ZNF516: variants seen among roughly 807,000 people sequenced by gnomAD.
ZNF516 encodes the protein zinc finger protein 516.
Under a neutral mutation model 79.7 loss-of-function variants are expected in ZNF516, and 19 were observed. The ratio of observed to expected loss-of-function variants is 0.24; its 90% CI spans 0.17 to 0.35. The LOEUF (loss-of-function observed/expected upper bound fraction) is 0.35. Ranked by LOEUF, ZNF516 falls within the 10% of genes least tolerant of loss-of-function variation. The pLI is 1.00. For synonymous variants in ZNF516, 877 were observed against 739.5 expected, an observed-to-expected ratio of 1.19 and a Z score of -3.02; for missense variants, 1,678 against 1,679.5, an observed-to-expected ratio of 1.00 and a Z score of 0.02.
chr18:76,420,028 C>G (rs576445931), intron 3 of ZNF516, among the ~76,000 whole-genome samples: 5 of 152,240 alleles, frequency 3.3e-5, no homozygotes, highest in African/African-American at 4.8e-5. Flanking sequence ...GGGAGCGACT[C>G]CAGGTACCTG....
chr18:76,460,694 G>A (rs917333685), intron 2 of ZNF516, among the ~76,000 whole-genome samples: 1 of 152,124 alleles, frequency 6.6e-6, no homozygotes, highest in African/African-American at 2.4e-5. Flanking sequence ...TTCTGTTCAG[G>A]GCTAGAGAGG....
intron 1 of ZNF516, chr18:76,490,059 A>G: frequency 1.9e-6 from 1 of 539,128 alleles, no homozygotes; most frequent in Non-Finnish European, 2.4e-6. Context: ...CCTACTAATG[A>G]ATTAAGAAAA....
chr18:76,468,551 G>A (rs1347370808), intron 1 of ZNF516, among the ~76,000 whole-genome samples: 1 of 151,538 alleles, frequency 6.6e-6, no homozygotes, highest in Non-Finnish European at 1.5e-5. Context: ...CTAGTAGCTG[G>A]GACTACAGGT....
Position 76,371,312 on chromosome 18 carries a change from C to T in ZNF516, c.3364+155G>A, listed in dbSNP as rs530887994. Among the ~76,000 whole-genome samples the T allele has an allele frequency of 5.9e-4, 90 of 152,336 alleles. 1 individual carries two copies. The highest frequency in any genetic ancestry group is 3.4e-3 in the Middle Eastern group (1 of 294). On this transcript the variant is annotated intron_variant, in intron 5 of 6. Transcript: ENST00000443185. ...CATTTCAGGTGTGGAGTGGGGGCGG[C>T]CTGTATACGATCCCGGAGGCAGATG...
chr18:76,384,354 A>G (rs1364974921), intron 3 of ZNF516, among the ~76,000 whole-genome samples: 1 of 97,562 alleles, frequency 1.0e-5, no homozygotes, highest in African/African-American at 4.1e-5. Context: ...CACGGCTCTC[A>G]CGTCCCCTCC....
At chr18:76,399,893 A>T (rs2075195409) in intron 3 of ZNF516, among the ~76,000 whole-genome samples, 1 of 152,106 alleles carries the variant, frequency 6.6e-6, no homozygotes, top group African/African-American at 2.4e-5. Context: ...TAAGATTGTG[A>T]GTGACATGTG....
In ZNF516 at chr18:76,441,572, G is replaced by C. The variant is rs757007970; in HGVS notation, c.1483C>G (p.Pro495Ala). ...GDPAPAGHLD[P>A]RSAARPNRRA... The stretch of plus-strand genomic sequence containing the variant: ...CGGTTGGGGCGCGCGGCCGAGCGGG[G>C]ATCGAGGTGGCCGGCGGGCGCGGGG... The change falls in exon 3 of 7, where the codon CCC becomes GCC. Residue 495 changes from proline to alanine, a missense_variant. Physicochemically the swap from Pro to Ala is conservative, Grantham distance 27 (BLOSUM62 -1). This residue lies in a region of ZNF516 where 1,294 missense variants were observed against 1,248.3 expected (regional missense o/e 1.04). Coordinates refer to ENST00000443185, the MANE Select transcript of ZNF516 (RefSeq NM_014643.4). The C allele has an allele frequency of 4.1e-6, 6 of 1,461,024 alleles. No individual in the cohort carries two copies. The highest frequency in any genetic ancestry group is 5.4e-6 in the Non-Finnish European group (6 of 1,111,196). 90.5% of individuals were successfully genotyped at this position (1,461,024 alleles called of 1,614,324 possible). A position where few individuals can be genotyped will look rare whatever the true frequency, so the allele number is the denominator to read the frequency against.
intron 3 of ZNF516, among the ~76,000 whole-genome samples, chr18:76,392,821 A>G (rs12961805): frequency 1.4e-3 from 57 of 40,310 alleles, no homozygotes; most frequent in South Asian, 0.013. Context: ...AAAGGCAGGT[A>G]GTCAGGTGGG....
At chr18:76,364,607 C>T (rs1376700357) in intron 6 of ZNF516, among the ~76,000 whole-genome samples, 4 of 152,192 alleles carry the variant, frequency 2.6e-5, no homozygotes, top group Non-Finnish European at 5.9e-5. Context: ...TCACGAGGTC[C>T]ACTTTCTCTC....
In ZNF516 at chr18:76,357,796, C is replaced by G. The variant is rs1354866335; in HGVS notation, c.*4702G>C. ...CCCTTGTGTCCCCACATTTTTGACACAATAATTTCCTCCAGGTGTGGCTGA... is the reference window on the plus strand; with the variant it reads ...CCCTTGTGTCCCCACATTTTTGACAGAATAATTTCCTCCAGGTGTGGCTGA... On this transcript the variant is annotated 3_prime_UTR_variant, in exon 7 of 7. Transcript: ENST00000443185. Among the ~76,000 whole-genome samples, 1 of 152,176 alleles carries G rather than the reference C, an allele frequency of 6.6e-6. No individual in the cohort carries two copies. The highest frequency in any genetic ancestry group is 2.4e-5 in the African/African-American group (1 of 41,440).
intron 1 of ZNF516, among the ~76,000 whole-genome samples, chr18:76,489,372 T>C (rs545771035): frequency 6.6e-6 from 1 of 152,294 alleles, no homozygotes; most frequent in Non-Finnish European, 1.5e-5. Flanking sequence ...TTTACAGAAG[T>C]CTCCTTTCCT....
At chr18:76,449,732 T>C (rs1228003968) in intron 2 of ZNF516, among the ~76,000 whole-genome samples, 2 of 152,232 alleles carry the variant, frequency 1.3e-5, no homozygotes, top group African/African-American at 4.8e-5. Flanking sequence ...GTTCAATAAG[T>C]GAATGAAATA....
chr18:76,431,250 G>GAC (rs71991368), intron 3 of ZNF516, among the ~76,000 whole-genome samples: 10,224 of 150,350 alleles, frequency 0.068, 604 homozygotes, highest in African/African-American at 0.16. Flanking sequence ...CAGAGACGAG[G>GAC]ACACACACAC....
intron 3 of ZNF516, among the ~76,000 whole-genome samples, chr18:76,434,685 TG>T (rs1683983749): frequency 6.6e-6 from 1 of 152,252 alleles, no homozygotes; most frequent in African/African-American, 2.4e-5. Context: ...TGAGCCGTCC[TG>T]GGACTACGCA....
At chr18:76,440,761 T>TGTGCGC (rs571461431) in intron 3 of ZNF516, among the ~76,000 whole-genome samples, 43 of 150,240 alleles carry the variant, frequency 2.9e-4, no homozygotes, top group African/African-American at 8.3e-4. Flanking sequence ...TGTGTGTGTG[T>TGTGCGC]GCGCGCACGC....
chr18:76,493,044 G>A lies in ZNF516; in HGVS notation c.-272+2100C>T. On this transcript the variant is annotated intron_variant, in intron 1 of 6. Coordinates refer to ENST00000443185, the MANE Select transcript of ZNF516 (RefSeq NM_014643.4). The surrounding 1 kb of genome is among the most constrained non-coding windows in gnomAD (Gnocchi z 5.2). ...GGAGAAAGCCGCTGCGGATTGGCCA[G>A]CAGAGCCGTCACTCACGCCCAGGGG... 1 of 984,912 alleles carries A rather than the reference G, an allele frequency of 1.0e-6. No individual in the cohort carries two copies. Among genetic ancestry groups the A allele is most frequent in the Non-Finnish European group, 1.2e-6 (1 of 829,982 alleles). The allele number at this position is 984,912 out of a possible 1,614,324, so 61.0% of individuals were successfully genotyped here. A position where few individuals can be genotyped will look rare whatever the true frequency, so the allele number is the denominator to read the frequency against.
chr18:76,401,873 T>C (rs1332566620), intron 3 of ZNF516, among the ~76,000 whole-genome samples: 86 of 2,270 alleles, frequency 0.038, 3 homozygotes, highest in Middle Eastern at 0.1. Flanking sequence ...ACCCCTCCAC[T>C]ACTGTTTATA....
chr18:76,401,209 T>A (rs2075214917), intron 3 of ZNF516, among the ~76,000 whole-genome samples: 1 of 151,050 alleles, frequency 6.6e-6, no homozygotes, highest in South Asian at 2.1e-4. Context: ...CCGGCATAAA[T>A]GGGTTAAGTT....
At chr18:76,436,269 G>A (rs549941137) in intron 3 of ZNF516, among the ~76,000 whole-genome samples, 1 of 152,280 alleles carries the variant, frequency 6.6e-6, no homozygotes, top group East Asian at 1.9e-4. Context: ...CCATGGAGTG[G>A]CGTTTGCCAT....
Sources: allele counts gnomAD v4.1 joint callset (sites outside exome capture counted in the v4.1 genomes callset), GRCh38; gene constraint gnomAD v4.1.1; regional missense constraint gnomAD v4.1.1; non-coding constraint Gnocchi (gnomAD v3.1); transcripts MANE v1.5; gene names NCBI Gene and HGNC (gene_info 2026-07-23, HGNC 2026-07-21).